Variants in CHSY1 observed in about 807,000 individuals in gnomAD.
CHSY1 encodes chondroitin sulfate synthase 1, also known as N-acetylgalactosaminyl-proteoglycan 3-beta-glucuronosyltransferase 1.
A neutral mutation model predicts 59.8 loss-of-function variants in CHSY1; 13 were observed. That is an observed-to-expected ratio of 0.22 (90% confidence interval 0.14 to 0.35). CHSY1 has a LOEUF of 0.35. CHSY1 is among the 10% of genes least tolerant of loss of function. The pLI, the probability that CHSY1 is intolerant of heterozygous loss-of-function variation, is 1.00. For missense variants in CHSY1, 947 were observed against 1,030.6 expected, an observed-to-expected ratio of 0.92 and a Z score of 1.11; for synonymous variants, 459 against 401.2, an observed-to-expected ratio of 1.14 and a Z score of -1.72.
chr15:101,243,053 T>C (rs758129854), intron 1 of CHSY1, among the ~76,000 whole-genome samples: 25 of 152,188 alleles, frequency 1.6e-4, no homozygotes, highest in Non-Finnish European at 3.1e-4. Flanking sequence ...CCCTTTTTTT[T>C]CTTAATTAAG....
intron 2 of CHSY1, among the ~76,000 whole-genome samples, chr15:101,185,017 C>G (rs991893729): frequency 6.6e-6 from 1 of 152,196 alleles, no homozygotes; most frequent in Non-Finnish European, 1.5e-5. Context: ...GACACTCTGT[C>G]GCAGGTAAGG....
In CHSY1 at chr15:101,209,577, A is replaced by G. The variant is rs71414391; in HGVS notation, c.816+25505T>C. 3.0e-3 allele frequency among the ~76,000 whole-genome samples: 456 copies of G among 151,898 alleles called. 3 individuals carry two copies. The highest frequency in any genetic ancestry group is 0.011 in the African/African-American group (437 of 41,422). ...TGATATGAATTCAATATTCCATGGG[A>G]AAAAAAAACCTGCTAAACAAAAATA... is the stretch of plus-strand genomic sequence containing the variant. On this transcript the variant is annotated intron_variant, in intron 2 of 2. Transcript: ENST00000254190.
At position 101,205,883 on chromosome 15, in the gene CHSY1, C is replaced by T. The variant is rs375643586; in HGVS notation, c.817-26903G>A. The stretch of plus-strand genomic sequence containing the variant: ...AGGAGAATGGCGTGAACCCAGGAGG[C>T]GGAGCTTGCAGTGAGCCGAGATAGC... On this transcript the variant is annotated intron_variant, in intron 2 of 2. Transcript: ENST00000254190. 4.6e-5 allele frequency among the ~76,000 whole-genome samples: 7 copies of T among 151,620 alleles called. No individual in the cohort carries two copies. The East Asian group carries it at 5.8e-4, about 13-fold the overall frequency.
intron 2 of CHSY1, among the ~76,000 whole-genome samples, chr15:101,202,815 ATAACT>A (rs1339735499): frequency 6.6e-6 from 1 of 152,222 alleles, no homozygotes; most frequent in Non-Finnish European, 1.5e-5. Context: ...ATGAGGACTA[ATAACT>A]TAAAAGCCAT....
At chr15:101,224,865 T>C (rs1314113185) in intron 2 of CHSY1, among the ~76,000 whole-genome samples, 1 of 152,192 alleles carries the variant, frequency 6.6e-6, no homozygotes, top group Non-Finnish European at 1.5e-5. Flanking sequence ...CTCTTATTAG[T>C]TCAATAAAGA....
Position 101,251,527 on chromosome 15 carries a change from CGG to C in CHSY1, c.-73_-72del. The C allele has an allele frequency of 7.0e-5, 18 of 257,646 alleles. No homozygotes were observed. The highest frequency in any genetic ancestry group is 1.9e-4 in the East Asian group (1 of 5,310). The allele number at this position is 257,646 out of a possible 1,614,324, so 16.0% of individuals were successfully genotyped here. ...GCCCTCAGCCCGCTGCCCCCGCCCG[CGG>C]AGGCCAGCCCGCCCTAGCGCCGCGA... is the stretch of plus-strand genomic sequence containing the variant. On this transcript the variant is annotated 5_prime_UTR_variant, in exon 1 of 3. Transcript: ENST00000254190.
In CHSY1 at chr15:101,177,603, A is replaced by C; in HGVS notation, c.2194T>G (p.Leu732Val). The change falls in exon 3 of 3, where the codon TTG becomes GTG. Residue 732 changes from leucine (L) to valine (V), a missense_variant. By Grantham distance (32) the Leu-to-Val change is conservative. Coordinates refer to ENST00000254190, the MANE Select transcript of CHSY1 (RefSeq NM_014918.5). ...DLFNKVVQAG[L>V]KTFRSQEVGV... ...ACTTCCTGGCTCCTAAACGTCTTCA[A>C]ACCTGCCTGGACAACCTTGTTGAAA... is the stretch of plus-strand genomic sequence containing the variant. 1 of 1,614,232 alleles carries C rather than the reference A, an allele frequency of 6.2e-7. No individual in the cohort carries two copies. Among genetic ancestry groups the C allele is most frequent in the Non-Finnish European group, 8.5e-7 (1 of 1,180,042 alleles).
chr15:101,204,594 A>G (rs1055523196), intron 2 of CHSY1, among the ~76,000 whole-genome samples: 1 of 151,356 alleles, frequency 6.6e-6, no homozygotes, highest in African/African-American at 2.4e-5. Context: ...ATTGCCCCCC[A>G]AAAAACAGTG....
intron 2 of CHSY1, among the ~76,000 whole-genome samples, chr15:101,222,358 G>A (rs2038798238): frequency 6.6e-6 from 1 of 152,128 alleles, no homozygotes; most frequent in Non-Finnish European, 1.5e-5. Context: ...AGACAATTTT[G>A]GATTTAAAGA....
intron 1 of CHSY1, among the ~76,000 whole-genome samples, chr15:101,249,782 T>A (rs1181937011): frequency 6.6e-6 from 1 of 152,186 alleles, no homozygotes; most frequent in Non-Finnish European, 1.5e-5. Flanking sequence ...CCCAAAGTGC[T>A]AGAATTACAG....
chr15:101,203,129 G>C (rs1201286552), intron 2 of CHSY1, among the ~76,000 whole-genome samples: 1 of 152,206 alleles, frequency 6.6e-6, no homozygotes, highest in African/African-American at 2.4e-5. Flanking sequence ...TGCACCTAAA[G>C]CCAAGCTTTA....
At chr15:101,227,191 T>C (rs1361545935) in intron 2 of CHSY1, among the ~76,000 whole-genome samples, 6 of 152,154 alleles carry the variant, frequency 3.9e-5, no homozygotes, top group African/African-American at 1.4e-4. Context: ...AACAACAGTC[T>C]ACAATCACAG....
chr15:101,219,122 T>G (rs941058562), intron 2 of CHSY1, among the ~76,000 whole-genome samples: 7 of 152,228 alleles, frequency 4.6e-5, no homozygotes, highest in African/African-American at 1.7e-4. Context: ...CTTAGAAGAA[T>G]GCAGTTTAAA....
chr15:101,232,656 C>T (rs569169113), intron 2 of CHSY1, among the ~76,000 whole-genome samples: 6 of 152,274 alleles, frequency 3.9e-5, no homozygotes, highest in Admixed American at 2.0e-4. Flanking sequence ...TCACAATTTG[C>T]GTACAATAAA....
chr15:101,227,531 A>G (rs1345507441), intron 2 of CHSY1, among the ~76,000 whole-genome samples: 1 of 152,246 alleles, frequency 6.6e-6, no homozygotes, highest in African/African-American at 2.4e-5. Flanking sequence ...AGCAGGGAAT[A>G]AGATGCAATA....
chr15:101,179,219 A>C (rs1229732247), intron 2 of CHSY1, among the ~76,000 whole-genome samples: 3 of 152,222 alleles, frequency 2.0e-5, no homozygotes, highest in Non-Finnish European at 4.4e-5. Context: ...AGGCAAACAG[A>C]ATTATGAAAA....
intron 2 of CHSY1, among the ~76,000 whole-genome samples, chr15:101,193,244 G>A (rs1433272772): frequency 6.6e-6 from 1 of 152,200 alleles, no homozygotes; most frequent in East Asian, 1.9e-4. Context: ...TGTCAGACGG[G>A]GATGAGAGCT....
chr15:101,208,662 G>A (rs1397640794), intron 2 of CHSY1, among the ~76,000 whole-genome samples: 4 of 148,578 alleles, frequency 2.7e-5, no homozygotes, highest in Non-Finnish European at 4.4e-5. Flanking sequence ...GCAGTGAACC[G>A]AGATCGTGCC....
chr15:101,192,925 T>C (rs1417924952), intron 2 of CHSY1, among the ~76,000 whole-genome samples: 2 of 152,234 alleles, frequency 1.3e-5, no homozygotes, highest in African/African-American at 4.8e-5. Context: ...AAATGCTTAT[T>C]ACCACTCCTC....
Sources: allele counts gnomAD v4.1 joint callset (sites outside exome capture counted in the v4.1 genomes callset), GRCh38; gene constraint gnomAD v4.1.1; transcripts MANE v1.5; gene names NCBI Gene and HGNC (gene_info 2026-07-23, HGNC 2026-07-21).